The following ROBO2 variants were observed in gnomAD, a reference collection of about 807,000 sequenced individuals.
ROBO2 encodes roundabout guidance receptor 2.
Under a neutral mutation model 160.8 loss-of-function variants are expected in ROBO2, and 53 were observed. That is an observed-to-expected ratio of 0.33 (90% CI 0.26 to 0.41). ROBO2 has a LOEUF of 0.41. Ranked by LOEUF, ROBO2 falls within the 10% of genes least tolerant of loss-of-function variation. The pLI is 1.00. For synonymous variants in ROBO2, 664 were observed against 611.7 expected (o/e 1.09, Z -1.26); for missense variants, 1,577 against 1,722.4 (o/e 0.92, Z 1.49).
intron 2 of ROBO2, among the ~76,000 whole-genome samples, chr3:76,317,997 C>A (rs1425132693): frequency 6.6e-6 from 1 of 151,888 alleles, no homozygotes; most frequent in Non-Finnish European, 1.5e-5. Context: ...TAAATTTTGA[C>A]ATCAAAATTT....
rs191148280 is a variant in ROBO2, at chr3:76,348,238, G to A, written c.109+410636G>A. Among the ~76,000 whole-genome samples, 113 of 152,268 alleles carry A rather than the reference G, an allele frequency of 7.4e-4. 1 individual carries two copies. The highest frequency in any genetic ancestry group is 6.8e-3 in the South Asian group (33 of 4,820). On this transcript the variant is annotated intron_variant, in intron 2 of 26. Transcript: ENST00000487694. ...CAGTATCAGTCTTCATAAGAAGTCT[G>A]GGGAAGAACAAAGATTGGGTTGCAT...
At chr3:76,921,657 A>T (rs925978432) in intron 2 of ROBO2, among the ~76,000 whole-genome samples, 3 of 152,156 alleles carry the variant, frequency 2.0e-5, no homozygotes, top group African/African-American at 7.2e-5. Flanking sequence ...TGTTATTTTT[A>T]AAAGCATTGA....
intron 2 of ROBO2, among the ~76,000 whole-genome samples, chr3:76,486,877 G>C (rs17014270): frequency 0.26 from 38,906 of 152,006 alleles, 6,014 homozygotes; most frequent in African/African-American, 0.42. Flanking sequence ...ATGTGTCCTT[G>C]ATATCTTTTC....
At chr3:76,222,340 A>G (rs1453733890) in intron 2 of ROBO2, among the ~76,000 whole-genome samples, 1 of 152,198 alleles carries the variant, frequency 6.6e-6, no homozygotes, top group African/African-American at 2.4e-5. Flanking sequence ...GCCTTAGAGC[A>G]GGAATGAAAG....
chr3:76,581,533 G>A (rs1449266020), intron 2 of ROBO2, among the ~76,000 whole-genome samples: 1 of 152,118 alleles, frequency 6.6e-6, no homozygotes, highest in Non-Finnish European at 1.5e-5. Context: ...AGCTACTCGG[G>A]AGACTGAGGT....
chr3:76,380,540 G>A (rs979851679), intron 2 of ROBO2, among the ~76,000 whole-genome samples: 1 of 151,684 alleles, frequency 6.6e-6, no homozygotes, highest in African/African-American at 2.4e-5. Flanking sequence ...CTCCTTTTTC[G>A]CCTCCTCCTT....
chr3:77,286,359 C>T (rs1043997802), intron 2 of ROBO2, among the ~76,000 whole-genome samples: 1 of 148,870 alleles, frequency 6.7e-6, no homozygotes, highest in African/African-American at 2.5e-5. Context: ...CAAGTTCGAA[C>T]GATTCTTTTG....
chr3:76,389,212 T>C (rs13065262), intron 2 of ROBO2, among the ~76,000 whole-genome samples: 11,095 of 152,282 alleles, frequency 0.073, 420 homozygotes, highest in Non-Finnish European at 0.086. Context: ...TAAAAACTTA[T>C]TGACTGTGGT....
At chr3:76,498,221 A>G (rs2080260906) in intron 2 of ROBO2, among the ~76,000 whole-genome samples, 1 of 152,154 alleles carries the variant, frequency 6.6e-6, no homozygotes, top group Admixed American at 6.5e-5. Flanking sequence ...AAATACTATA[A>G]CTCATAATTA....
intron 2 of ROBO2, among the ~76,000 whole-genome samples, chr3:75,999,440 A>T (rs905104979): frequency 1.3e-5 from 2 of 152,170 alleles, no homozygotes; most frequent in Non-Finnish European, 2.9e-5. Context: ...AAGTGTAAAA[A>T]CTTTAAGACA....
At chr3:77,215,685 C>T (rs927088706) in intron 2 of ROBO2, among the ~76,000 whole-genome samples, 1 of 152,136 alleles carries the variant, frequency 6.6e-6, no homozygotes, top group African/African-American at 2.4e-5. Flanking sequence ...TTTTTCTGCT[C>T]TGTTTTTTTC....
In ROBO2 at chr3:76,814,929, G is replaced by C. The variant is rs948895945; in HGVS notation, c.110-283085G>C. ...GAAGTCATTTGCAAAGGATCTACTA[G>C]TACTGAGGATTCCGATAAGAAAACA... On this transcript the variant is annotated intron_variant, in intron 2 of 26. Transcript: ENST00000487694. Among the ~76,000 whole-genome samples, 11 of 152,160 alleles carry C rather than the reference G, an allele frequency of 7.2e-5. No homozygotes were observed. In the Middle Eastern group the frequency reaches 0.014, roughly 188 times the overall value.
At position 77,334,000 on chromosome 3, in the gene ROBO2, T is replaced by A. The variant is rs542004859; in HGVS notation, c.389-143414T>A. Among the ~76,000 whole-genome samples, 15 of 152,344 alleles carry A rather than the reference T, an allele frequency of 9.8e-5. 1 individual carries two copies. In the Middle Eastern group the frequency reaches 0.01, roughly 104 times the overall value. ...TTAAGCTCTTTCTTTCTTTCTTTTT[T>A]AAGTTAAAGTCATACTCTAACACCT... On this transcript the variant is annotated intron_variant, in intron 2 of 25. Transcript: ENST00000461745.
chr3:77,426,138 G>A (rs896666785), intron 2 of ROBO2, among the ~76,000 whole-genome samples: 6 of 152,138 alleles, frequency 3.9e-5, no homozygotes, highest in Non-Finnish European at 7.3e-5. Flanking sequence ...GTCCAGACAA[G>A]AAATAATGGT....
At chr3:76,239,828 G>A (rs1402541163) in intron 2 of ROBO2, among the ~76,000 whole-genome samples, 1 of 152,160 alleles carries the variant, frequency 6.6e-6, no homozygotes, top group Non-Finnish European at 1.5e-5. Context: ...CCTGTGCAAA[G>A]TGCCAGCTGA....
At chr3:77,019,815 A>C (rs1338029002) in intron 2 of ROBO2, among the ~76,000 whole-genome samples, 1 of 152,220 alleles carries the variant, frequency 6.6e-6, no homozygotes, top group Non-Finnish European at 1.5e-5. Flanking sequence ...AGGCTAAAGA[A>C]ACAGATTGGT....
rs1024991426 is a variant in ROBO2, at chr3:77,557,816, T to C, written c.1232-128T>C. 2.3e-5 allele frequency: 17 copies of C among 734,256 alleles called. 1 individual carries two copies. The highest frequency in any genetic ancestry group is 4.3e-5 in the Admixed American group (2 of 46,374). 45.5% of individuals were successfully genotyped at this position (734,256 alleles called of 1,614,324 possible). ...GAATATACATGACCAAGAATATACA[T>C]ATTGCTTAGAATAAGTTATAAGTAA... On this transcript the variant is annotated intron_variant, in intron 8 of 25. Transcript: ENST00000461745.
intron 2 of ROBO2, among the ~76,000 whole-genome samples, chr3:76,042,856 A>C (rs1411376601): frequency 1.3e-5 from 2 of 152,054 alleles, no homozygotes; most frequent in Non-Finnish European, 2.9e-5. Context: ...TGCTCAAATC[A>C]ATCACGACCC....
At chr3:76,471,931 G>T (rs750572472) in intron 2 of ROBO2, among the ~76,000 whole-genome samples, 1 of 152,006 alleles carries the variant, frequency 6.6e-6, no homozygotes, top group Non-Finnish European at 1.5e-5. Flanking sequence ...GGAGGTAACC[G>T]CCCTCACGAT....
Sources: gnomAD v4.1 joint callset for allele counts (sites outside exome capture counted in the v4.1 genomes callset) on GRCh38, gnomAD v4.1.1 for gene constraint, MANE v1.5 for transcripts, NCBI Gene and HGNC (gene_info 2026-07-23, HGNC 2026-07-21) for gene names.